Variants in HSD17B2 observed in about 807,000 individuals in gnomAD.
The protein encoded by HSD17B2 is 17-beta-hydroxysteroid dehydrogenase type 2.
In HSD17B2, 32 loss-of-function variants were observed where a neutral mutation model predicts 26.9. The ratio of observed to expected loss-of-function variants is 1.19; its 90% CI spans 0.90 to 1.60. The LOEUF (loss-of-function observed/expected upper bound fraction) is 1.60. Ranked by LOEUF, HSD17B2 falls within the 40% of genes most tolerant of loss-of-function variation. HSD17B2 has a pLI of 0.00. For missense variants in HSD17B2, 613 were observed against 468.6 expected, an observed-to-expected ratio of 1.31 and a Z score of -2.85; for synonymous variants, 246 against 186.7, an observed-to-expected ratio of 1.32 and a Z score of -2.59.
At chr16:82,042,053 A>G (rs1012080697) in intron 1 of HSD17B2, among the ~76,000 whole-genome samples, 8 of 148,946 alleles carry the variant, frequency 5.4e-5, no homozygotes, top group African/African-American at 2.0e-4. Context: ...CCCAGGCTGG[A>G]GTGCAGTGGT....
rs144828304 is a variant in HSD17B2 at position 82,035,660 on chromosome 16, C to G, written c.236C>G (p.Pro79Arg). 1 of 1,613,926 alleles carries G rather than the reference C, an allele frequency of 6.2e-7. No homozygotes were observed. The highest frequency in any genetic ancestry group is 8.5e-7 in the Non-Finnish European group (1 of 1,180,002). Residue 79 changes from proline to arginine, a missense_variant, in exon 1 of 5, where the codon CCT becomes CGT. Transcript: ENST00000199936. Reference sequence around the variant, plus strand: ...TACTTATCTGGCCAAGAATTGTTACCTGTGGATCAGAAGGCAGTCCTGGTG... The same window carrying G: ...TACTTATCTGGCCAAGAATTGTTACGTGTGGATCAGAAGGCAGTCCTGGTG... The part of the protein sequence containing the change: ...YTYLSGQELL[P>R]VDQKAVLVTG...
chr16:82,047,422 C>T (rs1396175568), intron 1 of HSD17B2, among the ~76,000 whole-genome samples: 1 of 152,204 alleles, frequency 6.6e-6, no homozygotes, highest in Non-Finnish European at 1.5e-5. Flanking sequence ...ATTTCACCAA[C>T]ACTTATTGAG....
chr16:82,098,083 G>T lies in HSD17B2; in HGVS notation c.811G>T (p.Gly271Cys), dbSNP rs79488654. 1.2e-3 allele frequency: 1,905 copies of T among 1,611,108 alleles called. 4 individuals carry two copies. The highest frequency in any genetic ancestry group is 1.4e-3 in the Non-Finnish European group (1,699 of 1,178,062). Residue 271 changes from glycine to cysteine, a missense_variant, in exon 5 of 5, where the codon GGC becomes TGC. Coordinates refer to ENST00000199936, the MANE Select transcript of HSD17B2 (RefSeq NM_002153.3). The part of the protein sequence containing the change: ...QPGGFLTNIA[G>C]TSDKWEKLEK... The stretch of plus-strand genomic sequence containing the variant: ...CTTTCCTTTCACCCCAGATATCGCA[G>T]GCACCAGTGACAAGTGGGAAAAGCT...
chr16:82,052,667 A>AT (rs1237701324), intron 1 of HSD17B2, among the ~76,000 whole-genome samples: 2 of 152,154 alleles, frequency 1.3e-5, no homozygotes, highest in South Asian at 2.1e-4. Flanking sequence ...CCATCTCTCT[A>AT]TTTTTTTATG....
intron 1 of HSD17B2, among the ~76,000 whole-genome samples, chr16:82,040,929 C>T (rs1779813638): frequency 6.6e-6 from 1 of 152,162 alleles, no homozygotes; most frequent in Admixed American, 6.5e-5. Flanking sequence ...AAGGATGGCC[C>T]TTAGTGAGTC....
chr16:82,072,779 G>C (rs886180599), intron 3 of HSD17B2, among the ~76,000 whole-genome samples: 1 of 152,202 alleles, frequency 6.6e-6, no homozygotes, highest in African/African-American at 2.4e-5. Flanking sequence ...TACAAGGCCA[G>C]GTGCGGTGGC....
intron 1 of HSD17B2, among the ~76,000 whole-genome samples, chr16:82,066,472 A>G (rs912547822): frequency 3.3e-5 from 5 of 152,186 alleles, no homozygotes; most frequent in Non-Finnish European, 7.3e-5. Context: ...TTCTACACTT[A>G]GAGGACTGAC....
At chr16:82,046,439 T>A (rs960831302) in intron 1 of HSD17B2, among the ~76,000 whole-genome samples, 8 of 152,086 alleles carry the variant, frequency 5.3e-5, no homozygotes, top group African/African-American at 1.9e-4. Context: ...AAAAATATTA[T>A]GGGCCAGGCA....
chr16:82,070,868 T>A, intron 2 of HSD17B2, 74 bp from the exon 3 acceptor site: 1 of 1,391,166 alleles, frequency 7.2e-7, no homozygotes, highest in Non-Finnish European at 1.0e-6. Context: ...TCTTGCATGG[T>A]CTTCCAGGTA....
chr16:82,036,609 G>A (rs1913633485), intron 1 of HSD17B2, among the ~76,000 whole-genome samples: 3 of 152,060 alleles, frequency 2.0e-5, no homozygotes, highest in African/African-American at 7.2e-5. Flanking sequence ...AGAAAATCTG[G>A]GGCTTGACAA....
chr16:82,044,554 C>T (rs1913861280), intron 1 of HSD17B2: 1 of 152,336 alleles, frequency 6.6e-6, no homozygotes, highest in Non-Finnish European at 1.5e-5. Flanking sequence ...CTTGGATTTT[C>T]TCCTCTCCTT....
At chr16:82,057,165 A>G (rs370738978) in intron 1 of HSD17B2, among the ~76,000 whole-genome samples, 9 of 152,206 alleles carry the variant, frequency 5.9e-5, no homozygotes, top group African/African-American at 2.2e-4. Context: ...TCCACCCTAA[A>G]GAAGGAAGAG....
chr16:82,084,687 G>A (rs1422875130), intron 3 of HSD17B2, among the ~76,000 whole-genome samples: 2 of 152,186 alleles, frequency 1.3e-5, no homozygotes, highest in African/African-American at 4.8e-5. Context: ...AGAAATCGCA[G>A]AGTAAACACC....
At chr16:82,058,871 C>T (rs1053317421) in intron 1 of HSD17B2, among the ~76,000 whole-genome samples, 3 of 152,086 alleles carry the variant, frequency 2.0e-5, no homozygotes, top group Admixed American at 6.6e-5. Context: ...GTCCAGGGAG[C>T]GAGTACAGGG....
chr16:82,096,647 T>C (rs145140493), intron 4 of HSD17B2: 1 of 152,194 alleles, frequency 6.6e-6, no homozygotes, highest in African/African-American at 2.4e-5. Flanking sequence ...AGACATTACA[T>C]GATATATTAT....
intron 1 of HSD17B2, among the ~76,000 whole-genome samples, chr16:82,050,214 C>A (rs1183181501): frequency 1.3e-5 from 2 of 152,184 alleles, no homozygotes; most frequent in Non-Finnish European, 2.9e-5. Context: ...ATTTGGGACC[C>A]TTCCCTACCT....
chr16:82,096,578 G>A (rs1019860203), intron 4 of HSD17B2: 12 of 151,884 alleles, frequency 7.9e-5, no homozygotes, highest in South Asian at 2.1e-4. Context: ...AAAATTATAC[G>A]TGTGTATGCT....
chr16:82,081,582 G>C (rs371482435), intron 3 of HSD17B2, among the ~76,000 whole-genome samples: 1 of 152,176 alleles, frequency 6.6e-6, no homozygotes, highest in East Asian at 1.9e-4. Context: ...GAGGCAATAA[G>C]AGTGGACAAA....
intron 1 of HSD17B2, among the ~76,000 whole-genome samples, chr16:82,067,281 C>T (rs930280878): frequency 1.3e-5 from 2 of 152,202 alleles, no homozygotes; most frequent in African/African-American, 4.8e-5. Flanking sequence ...ATGTGAAATA[C>T]TTTCTTATTA....
Sources: allele counts gnomAD v4.1 joint callset (sites outside exome capture counted in the v4.1 genomes callset), GRCh38; gene constraint gnomAD v4.1.1; transcripts MANE v1.5; gene names NCBI Gene and HGNC (gene_info 2026-07-23, HGNC 2026-07-21).